Variants in STK10 observed in about 807,000 individuals in gnomAD.
STK10 encodes serine/threonine-protein kinase 10.
STK10 carries 78 observed loss-of-function variants against 113.8 expected under a neutral mutation model. That is an observed-to-expected ratio of 0.69 (90% CI 0.57 to 0.83). The LOEUF is 0.83. Among genes scored for constraint, STK10 ranks in the 40% least tolerant of loss-of-function variants. The probability of loss-of-function intolerance (pLI) is 0.00; values close to 1 mark genes in which losing one functional copy is unlikely to be tolerated. For missense variants in STK10, 1,109 were observed against 1,280.1 expected (o/e 0.87, Z 2.04); for synonymous variants, 465 against 494.7 (o/e 0.94, Z 0.80).
At chr5:172,081,314 G>A (rs887993236) in intron 12 of STK10, among the ~76,000 whole-genome samples, 7 of 141,618 alleles carry the variant, frequency 4.9e-5, no homozygotes, top group Admixed American at 2.3e-4. Context: ...TTGTGCCACT[G>A]CACTCCAGCC....
At chr5:172,180,145 G>A (rs1770825229) in intron 1 of STK10, among the ~76,000 whole-genome samples, 1 of 152,238 alleles carries the variant, frequency 6.6e-6, no homozygotes, top group Non-Finnish European at 1.5e-5. Flanking sequence ...ATAGGCATAT[G>A]CTTTGACCTA....
intron 10 of STK10, among the ~76,000 whole-genome samples, chr5:172,084,996 G>A (rs1437122190): frequency 6.6e-6 from 1 of 152,194 alleles, no homozygotes; most frequent in Non-Finnish European, 1.5e-5. Flanking sequence ...TATAATCCCA[G>A]TACTTTGGGA....
intron 1 of STK10, among the ~76,000 whole-genome samples, chr5:172,171,543 A>G (rs11948494): frequency 0.23 from 34,178 of 151,850 alleles, 4,077 homozygotes; most frequent in African/African-American, 0.28. Flanking sequence ...GTGAAACTCC[A>G]TCTCTACTAA....
At chr5:172,131,178 C>T (rs1218970356) in intron 2 of STK10, among the ~76,000 whole-genome samples, 5 of 151,902 alleles carry the variant, frequency 3.3e-5, no homozygotes, top group South Asian at 2.1e-4. Context: ...GGACTACAGG[C>T]GCCCGCCACC....
At chr5:172,135,458 G>A (rs1316158084) in intron 2 of STK10, among the ~76,000 whole-genome samples, 1 of 152,158 alleles carries the variant, frequency 6.6e-6, no homozygotes, top group Non-Finnish European at 1.5e-5. Flanking sequence ...GTTGCAGTGA[G>A]CCAAGATCAC....
At chr5:172,119,631 G>A (rs1286917022) in intron 3 of STK10, among the ~76,000 whole-genome samples, 2 of 152,054 alleles carry the variant, frequency 1.3e-5, no homozygotes, top group Non-Finnish European at 2.9e-5. Flanking sequence ...TTGGGAGGCC[G>A]AGGTGGGAGG....
At chr5:172,139,687 A>G (rs570768965) in intron 2 of STK10, among the ~76,000 whole-genome samples, 14 of 152,174 alleles carry the variant, frequency 9.2e-5, no homozygotes, top group African/African-American at 3.4e-4. Context: ...CACCATATAC[A>G]AAAACCAACT....
chr5:172,048,749 G>A (rs1287713106), intron 18 of STK10, among the ~76,000 whole-genome samples: 6 of 152,118 alleles, frequency 3.9e-5, no homozygotes, highest in South Asian at 4.1e-4. Flanking sequence ...TTCAAAACAT[G>A]AGTCAGACCA....
At chr5:172,070,266 T>G (rs1379371636) in intron 12 of STK10, among the ~76,000 whole-genome samples, 21 of 149,920 alleles carry the variant, frequency 1.4e-4, no homozygotes, top group Non-Finnish European at 2.2e-4. Flanking sequence ...TATATATCTA[T>G]ATATCTATAT....
intron 4 of STK10, among the ~76,000 whole-genome samples, chr5:172,113,015 T>C (rs2113772564): frequency 6.6e-6 from 1 of 152,354 alleles, no homozygotes; most frequent in African/African-American, 2.4e-5. Context: ...CCCAAAGTGC[T>C]AGGATTACAG....
At chr5:172,105,441 G>T in intron 7 of STK10, 1 of 583,228 alleles carries the variant, frequency 1.7e-6, no homozygotes, top group African/African-American at 1.9e-5. Context: ...TGGAACACAC[G>T]CTCCATGAGG....
At chr5:172,106,519 GA>G in intron 6 of STK10, 100 bp downstream of exon 6, 1 of 1,296,240 alleles carries the variant, frequency 7.7e-7, no homozygotes, top group Non-Finnish European at 1.0e-6. Context: ...GCAGCACCAG[GA>G]GAACGCTACC....
chr5:172,132,883 T>G (rs1272451693), intron 2 of STK10, among the ~76,000 whole-genome samples: 19 of 152,072 alleles, frequency 1.2e-4, no homozygotes, highest in Admixed American at 1.2e-3. Context: ...GATATAGAAA[T>G]GAGTGGTGCA....
chr5:172,106,991 G>A (rs960220717), intron 5 of STK10, 177 bp from the exon 6 acceptor site: 15 of 478,114 alleles, frequency 3.1e-5, no homozygotes, highest in South Asian at 2.4e-4. Flanking sequence ...ACAGAAAAAC[G>A]CCTCCACGCG....
At chr5:172,150,531 C>G (rs1357388068) in intron 2 of STK10, among the ~76,000 whole-genome samples, 1 of 152,004 alleles carries the variant, frequency 6.6e-6, no homozygotes, top group Non-Finnish European at 1.5e-5. Context: ...CTGATTCCAG[C>G]CCCAGATCCC....
At chr5:172,176,303 G>A (rs1420934433) in intron 1 of STK10, among the ~76,000 whole-genome samples, 3 of 152,170 alleles carry the variant, frequency 2.0e-5, no homozygotes, top group African/African-American at 7.2e-5. Context: ...TTGCCTTCCT[G>A]TCTCATCCTC....
chr5:172,087,173 G>C (rs1285290829), intron 10 of STK10, among the ~76,000 whole-genome samples: 1 of 146,602 alleles, frequency 6.8e-6, no homozygotes, highest in Non-Finnish European at 1.5e-5. Context: ...AGATACACTA[G>C]TGAAAAGTCT....
At chr5:172,146,693 T>C (rs942808015) in intron 2 of STK10, among the ~76,000 whole-genome samples, 1 of 152,252 alleles carries the variant, frequency 6.6e-6, no homozygotes, top group Non-Finnish European at 1.5e-5. Flanking sequence ...ATGTCTGGAT[T>C]CTTATATGAA....
At chr5:172,070,667 A>G (rs1768157608) in intron 12 of STK10, among the ~76,000 whole-genome samples, 1 of 152,136 alleles carries the variant, frequency 6.6e-6, no homozygotes, top group South Asian at 2.1e-4. Context: ...AAAATCAATG[A>G]AACCAAAAGC....
Sources: gnomAD v4.1 joint callset for allele counts (sites outside exome capture counted in the v4.1 genomes callset) on GRCh38, gnomAD v4.1.1 for gene constraint, MANE v1.5 for transcripts, NCBI Gene and HGNC (gene_info 2026-07-23, HGNC 2026-07-21) for gene names.